Variants in MYO19 observed in about 807,000 individuals in gnomAD.
The protein encoded by MYO19 is myosin XIX, also known as unconventional myosin-XIX.
Under a neutral mutation model 129.2 loss-of-function variants are expected in MYO19, and 132 were observed. The observed-to-expected ratio is 1.02, with a 90% CI of 0.89 to 1.18. The LOEUF (loss-of-function observed/expected upper bound fraction) is 1.18. Among genes scored for constraint, MYO19 ranks in the 50% most tolerant of loss-of-function variants. The pLI, the probability that MYO19 is intolerant of heterozygous loss-of-function variation, is 0.00. For missense variants in MYO19, 1,210 were observed against 1,216.7 expected (o/e 0.99, Z 0.08); for synonymous variants, 531 against 477.2 (o/e 1.11, Z -1.47).
intron 23 of MYO19, 92 bp downstream of exon 23, chr17:36,500,738 C>G (rs930538106): frequency 3.3e-5 from 49 of 1,478,930 alleles, no homozygotes; most frequent in Non-Finnish European, 4.3e-5. Flanking sequence ...GACACAGCTT[C>G]AGGAGATGGG....
upstream of MYO19, among the ~76,000 whole-genome samples, chr17:36,544,179 C>T (rs1276459151): frequency 6.6e-6 from 1 of 152,226 alleles, no homozygotes; most frequent in African/African-American, 2.4e-5. Flanking sequence ...CTCACATTAA[C>T]CCAGCCCAAG....
At chr17:36,518,201 GT>G (rs1283641217) in intron 6 of MYO19, among the ~76,000 whole-genome samples, 2 of 151,940 alleles carry the variant, frequency 1.3e-5, no homozygotes, top group African/African-American at 2.4e-5. Context: ...GCTGGACACA[GT>G]GGCTCACGCC....
chr17:36,520,720 A>G (rs1001577206), intron 6 of MYO19, among the ~76,000 whole-genome samples: 1 of 152,190 alleles, frequency 6.6e-6, no homozygotes, highest in African/African-American at 2.4e-5. Flanking sequence ...TGACTTTCTT[A>G]ATTTCATTTC....
intron 3 of MYO19, among the ~76,000 whole-genome samples, chr17:36,530,119 AG>A (rs774719121): frequency 3.6e-3 from 550 of 152,312 alleles, no homozygotes; most frequent in Non-Finnish European, 5.6e-3. Context: ...CCCAGCACTT[AG>A]GGAGGCCAAG....
At chr17:36,496,853 A>C (rs1276988076) in intron 25 of MYO19, among the ~76,000 whole-genome samples, 1 of 152,168 alleles carries the variant, frequency 6.6e-6, no homozygotes. Flanking sequence ...TGTCTTAGCC[A>C]AGATCATCCA....
In MYO19 at chr17:36,495,696, A is replaced by G; in HGVS notation, c.*555T>C. 1 of 1,261,538 alleles carries G rather than the reference A, an allele frequency of 7.9e-7. No individual in the cohort carries two copies. Among genetic ancestry groups the G allele is most frequent in the Non-Finnish European group, 9.9e-7 (1 of 1,005,520 alleles). The allele number at this position is 1,261,538 out of a possible 1,614,324, so 78.1% of individuals were successfully genotyped here. A position where few individuals can be genotyped will look rare whatever the true frequency, so the allele number is the denominator to read the frequency against. The stretch of plus-strand genomic sequence containing the variant: ...AGACATCATAAACGATATCAAGCTT[A>G]CACTTCATATGGAGTTAAACTTGGT... On this transcript the variant is annotated 3_prime_UTR_variant, in exon 26 of 26. Coordinates refer to ENST00000614623, the MANE Select transcript of MYO19 (RefSeq NM_001163735.2).
Position 36,525,295 on chromosome 17 carries a change from T to C in MYO19, c.347A>G (p.Asn116Ser). 2 of 1,613,932 alleles carry C rather than the reference T, an allele frequency of 1.2e-6. No individual in the cohort carries two copies. Among genetic ancestry groups the C allele is most frequent in the Non-Finnish European group, 1.7e-6 (2 of 1,179,848 alleles). The stretch of plus-strand genomic sequence containing the variant: ...GACTGGTTCAATCAGGCTCTTGACA[T>C]TCCTGTAGGTCTGTTCACCCACAGT... ...VFTVGEQTYR[N>S]VKSLIEPVNQ... The change falls in exon 6 of 26, where the codon AAT becomes AGT. Residue 116 changes from asparagine (N) to serine (S), a missense_variant. Coordinates refer to ENST00000614623, the MANE Select transcript of MYO19 (RefSeq NM_001163735.2).
Position 36,528,052 on chromosome 17 carries a change from G to C in MYO19, c.151+12C>G, listed in dbSNP as rs780748686. ...CTGGAGATGATACTCCTGAGGAATG[G>C]GAGGCCCATACCTGTCTCTAGTGTC... is the stretch of plus-strand genomic sequence containing the variant. On this transcript the variant is annotated intron_variant, in intron 4 of 25. Transcript: ENST00000614623. 8 of 1,607,144 alleles carry C rather than the reference G, an allele frequency of 5.0e-6. No homozygotes were observed. In the South Asian group the frequency reaches 7.7e-5, roughly 15 times the overall value.
upstream of MYO19, among the ~76,000 whole-genome samples, chr17:36,536,094 CAAT>C (rs1408136319): frequency 1.3e-5 from 2 of 152,182 alleles, no homozygotes; most frequent in African/African-American, 2.4e-5. Context: ...GTTTTTCAGA[CAAT>C]GATGTGTGGC....
chr17:36,526,345 C>T (rs2073462935), intron 5 of MYO19, among the ~76,000 whole-genome samples: 1 of 152,130 alleles, frequency 6.6e-6, no homozygotes, highest in South Asian at 2.1e-4. Context: ...TTCTCGTCTT[C>T]CTGCTCTCAT....
chr17:36,514,589 A>C, intron 8 of MYO19, 41 bp from the exon 9 acceptor site: 1 of 1,342,556 alleles, frequency 7.4e-7, no homozygotes, highest in Non-Finnish European at 1.1e-6. Flanking sequence ...TTGCCCATTC[A>C]TTCCATAGCC....
upstream of MYO19, chr17:36,537,861 A>G: frequency 6.2e-7 from 1 of 1,614,048 alleles, no homozygotes; most frequent in Non-Finnish European, 8.5e-7. Context: ...ACTGCTGTTG[A>G]TTATTTTTCC....
upstream of MYO19, chr17:36,535,544 C>G (rs1324679371): frequency 6.6e-6 from 1 of 152,260 alleles, no homozygotes; most frequent in Non-Finnish European, 1.5e-5. Flanking sequence ...GGCAGTCCGG[C>G]TGCCCTTCCC....
rs200275923 is a variant in MYO19, at chr17:36,513,414, G to A, written c.894+15C>T. The A allele has an allele frequency of 2.5e-6, 4 of 1,614,038 alleles. No individual in the cohort carries two copies. The highest frequency in any genetic ancestry group is 1.7e-5 in the Admixed American group (1 of 60,018). ...CATCTCTGCCAAACTTAAGTGGCGT[G>A]GCTTTTCTTCTGACCTTAAAGATGT... On this transcript the variant is annotated intron_variant, in intron 11 of 25. Transcript: ENST00000614623.
At chr17:36,530,253 A>C (rs1037101790) in intron 3 of MYO19, among the ~76,000 whole-genome samples, 1 of 152,154 alleles carries the variant, frequency 6.6e-6, no homozygotes, top group African/African-American at 2.4e-5. Context: ...TCGAGGCTAC[A>C]GTGAGCTATG....
rs1169987801 is a variant in MYO19, at chr17:36,525,354, G to C, written c.301-13C>G. The stretch of plus-strand genomic sequence containing the variant: ...GGGGCTTCAGTTTCTGGAACATCAA[G>C]GAGTGAAAGGTCATGTGAGGGAATG... On this transcript the variant is annotated splice_polypyrimidine_tract_variant and intron_variant, in intron 5 of 25. Coordinates refer to ENST00000614623, the MANE Select transcript of MYO19 (RefSeq NM_001163735.2). 10 of 1,574,128 alleles carry C rather than the reference G, an allele frequency of 6.4e-6. No individual in the cohort carries two copies. The highest frequency in any genetic ancestry group is 8.7e-6 in the Non-Finnish European group (10 of 1,144,346).
intron 2 of MYO19, among the ~76,000 whole-genome samples, chr17:36,541,784 A>G (rs150930692): frequency 3.7e-3 from 560 of 152,340 alleles, no homozygotes; most frequent in African/African-American, 0.013. Context: ...CTAAAAGCAG[A>G]TACTTTTCAT....
At chr17:36,515,567 G>A (rs1326358762) in intron 7 of MYO19, among the ~76,000 whole-genome samples, 2 of 152,174 alleles carry the variant, frequency 1.3e-5, no homozygotes, top group Non-Finnish European at 2.9e-5. Context: ...TGAACCATCA[G>A]GAAACTGGAT....
At chr17:36,497,988 C>A in intron 25 of MYO19, 1 of 446,932 alleles carries the variant, frequency 2.2e-6, no homozygotes, top group South Asian at 4.1e-5. Context: ...TTGCTAGAAA[C>A]GCAGCATTGC....
Sources: gnomAD v4.1 joint callset for allele counts (sites outside exome capture counted in the v4.1 genomes callset) on GRCh38, gnomAD v4.1.1 for gene constraint, MANE v1.5 for transcripts, NCBI Gene and HGNC (gene_info 2026-07-23, HGNC 2026-07-21) for gene names.